The following ADAM12 variants were observed in gnomAD, a reference collection of about 807,000 sequenced individuals.
ADAM12 encodes the protein disintegrin and metalloproteinase domain-containing protein 12.
In ADAM12, 70 loss-of-function variants were observed where a neutral mutation model predicts 106.4. That is an observed-to-expected ratio of 0.66 (90% CI 0.54 to 0.80). ADAM12 has a LOEUF of 0.80. Among genes scored for constraint, ADAM12 ranks in the 30% least tolerant of loss-of-function variants. The pLI is 0.00. For synonymous variants in ADAM12, 420 were observed against 433.5 expected, an observed-to-expected ratio of 0.97 and a Z score of 0.39; for missense variants, 1,010 against 1,171.9, an observed-to-expected ratio of 0.86 and a Z score of 2.02.
At chr10:126,178,212 C>CA (rs11390365) in intron 3 of ADAM12, among the ~76,000 whole-genome samples, 32,277 of 147,102 alleles carry the variant, frequency 0.22, 3,881 homozygotes, top group East Asian at 0.45. Context: ...CTCAAACAGT[C>CA]AAAAAAAAAA....
chr10:126,116,617 T>G, intron 6 of ADAM12, among the ~76,000 whole-genome samples: 1 of 149,690 alleles, frequency 6.7e-6, no homozygotes, highest in Non-Finnish European at 1.5e-5. Context: ...GATGGGAGAG[T>G]TCCTCCCCTT....
intron 3 of ADAM12, among the ~76,000 whole-genome samples, chr10:126,166,763 A>G (rs1311070637): frequency 6.6e-6 from 1 of 152,134 alleles, no homozygotes; most frequent in Non-Finnish European, 1.5e-5. Flanking sequence ...TCCCAAAGGC[A>G]TGAGCCATCA....
intron 3 of ADAM12, among the ~76,000 whole-genome samples, chr10:126,187,494 T>A (rs375773094): frequency 1.9e-3 from 284 of 152,248 alleles, no homozygotes; most frequent in African/African-American, 6.5e-3. Flanking sequence ...CTGTATTTGA[T>A]GTCTGTAGGC....
At chr10:126,309,984 C>T (rs907276005) in intron 2 of ADAM12, among the ~76,000 whole-genome samples, 2 of 151,774 alleles carry the variant, frequency 1.3e-5, no homozygotes, top group African/African-American at 4.9e-5. Flanking sequence ...CATGGTGAAA[C>T]CCCATCTCTA....
intron 2 of ADAM12, among the ~76,000 whole-genome samples, chr10:126,288,083 C>T (rs1418342386): frequency 6.6e-6 from 1 of 152,062 alleles, no homozygotes; most frequent in African/African-American, 2.4e-5. Flanking sequence ...GGCCTCCAGT[C>T]CCTCCTCACC....
intron 5 of ADAM12, among the ~76,000 whole-genome samples, chr10:126,120,690 G>A (rs1956068584): frequency 6.6e-6 from 1 of 151,594 alleles, no homozygotes; most frequent in African/African-American, 2.4e-5. Flanking sequence ...GGGTGCCAGG[G>A]GCCAGAGAGA....
intron 1 of ADAM12, among the ~76,000 whole-genome samples, chr10:126,362,177 T>C (rs1398385167): frequency 1.3e-5 from 2 of 151,902 alleles, no homozygotes; most frequent in Non-Finnish European, 1.5e-5. Flanking sequence ...CCAACAGATA[T>C]ATGAAAAAAA....
chr10:126,218,164 G>C (rs1341099713), intron 3 of ADAM12, among the ~76,000 whole-genome samples: 1 of 149,576 alleles, frequency 6.7e-6, no homozygotes, highest in Non-Finnish European at 1.5e-5. Flanking sequence ...GCAAAATACA[G>C]TTGTTGAGTG....
chr10:126,330,620 C>A, intron 1 of ADAM12, 111 bp from the exon 2 acceptor site: 1 of 894,516 alleles, frequency 1.1e-6, no homozygotes. Flanking sequence ...TAAATAAGCC[C>A]AGGGAAACAC....
At chr10:126,158,433 G>A (rs72479326) in intron 3 of ADAM12, among the ~76,000 whole-genome samples, 59 of 66,612 alleles carry the variant, frequency 8.9e-4, no homozygotes, top group Middle Eastern at 0.017. Flanking sequence ...CACAGAGCAC[G>A]GGGAGGATGC....
At chr10:126,036,382 C>T in intron 20 of ADAM12, 57 bp from the exon 21 acceptor site, 1 of 1,530,944 alleles carries the variant, frequency 6.5e-7, no homozygotes, top group South Asian at 1.3e-5. Context: ...ATCAGTAACT[C>T]CTTAAGGAAA....
At chr10:126,279,079 G>T in intron 2 of ADAM12, 91 bp from the exon 3 acceptor site, 1 of 942,628 alleles carries the variant, frequency 1.1e-6, no homozygotes, top group South Asian at 1.4e-5. Context: ...TCAAATGAGG[G>T]AATAAACGAT....
chr10:126,277,532 C>T (rs1959325178), intron 3 of ADAM12, among the ~76,000 whole-genome samples: 1 of 152,068 alleles, frequency 6.6e-6, no homozygotes, highest in Admixed American at 6.6e-5. Context: ...GAGATATTTT[C>T]AAAACCATAC....
chr10:126,190,388 G>A (rs1364718057), intron 3 of ADAM12, among the ~76,000 whole-genome samples: 1 of 151,920 alleles, frequency 6.6e-6, no homozygotes, highest in Non-Finnish European at 1.5e-5. Flanking sequence ...TGTATTCTTA[G>A]TAGAGATGGG....
At chr10:126,259,847 A>G (rs943305407) in intron 3 of ADAM12, among the ~76,000 whole-genome samples, 1 of 152,242 alleles carries the variant, frequency 6.6e-6, no homozygotes, top group African/African-American at 2.4e-5. Flanking sequence ...TTTAAAGAAA[A>G]CTGAGGGAAA....
chr10:126,314,580 G>A (rs873957), intron 2 of ADAM12, among the ~76,000 whole-genome samples: 94,609 of 152,030 alleles, frequency 0.62, 29,662 homozygotes, highest in South Asian at 0.69. Context: ...TTCAGGAAAA[G>A]AAGATTTGTC....
rs1954058701 is a variant in ADAM12, at chr10:126,036,280, TGCTGATGTCAAC to T, written c.2383_2394del (p.Val795_Ser798del). The T allele has an allele frequency of 1.9e-6, 3 of 1,562,272 alleles. No individual in the cohort carries two copies. Among genetic ancestry groups the T allele is most frequent in the Non-Finnish European group, 2.6e-6 (3 of 1,160,830 alleles). ...GGGACATTCAGGCCGTTGAGGGGTC[TGCTGATGTCAAC>T]ATTCTGACACTGCAGCAATCTCCTG... On this transcript the variant is annotated inframe_deletion, in exon 21 of 23. Coordinates refer to ENST00000448723, the MANE Select transcript of ADAM12 (RefSeq NM_001288973.2).
chr10:126,147,000 G>A (rs917220210), intron 4 of ADAM12, among the ~76,000 whole-genome samples: 1 of 152,136 alleles, frequency 6.6e-6, no homozygotes, highest in Non-Finnish European at 1.5e-5. Context: ...AGTCCAAGCT[G>A]GTTGTAGAAG....
intron 3 of ADAM12, among the ~76,000 whole-genome samples, chr10:126,236,780 C>A (rs1958426280): frequency 6.6e-6 from 1 of 152,080 alleles, no homozygotes; most frequent in Non-Finnish European, 1.5e-5. Flanking sequence ...GGAGCACCCG[C>A]AGGAAGGAGC....
Sources: gnomAD v4.1 joint callset for allele counts (sites outside exome capture counted in the v4.1 genomes callset) on GRCh38, gnomAD v4.1.1 for gene constraint, MANE v1.5 for transcripts, NCBI Gene and HGNC (gene_info 2026-07-23, HGNC 2026-07-21) for gene names.